HDHD5: variants seen among roughly 807,000 people sequenced by gnomAD.
HDHD5 encodes haloacid dehalogenase like hydrolase domain containing 5, also known as haloacid dehalogenase-like hydrolase domain-containing 5.
In HDHD5, 34 loss-of-function variants were observed where a neutral mutation model predicts 35.5. The observed-to-expected ratio is 0.96, with a 90% CI of 0.73 to 1.28. The LOEUF is 1.28. Ranked by LOEUF, HDHD5 falls within the 50% of genes most tolerant of loss-of-function variation. The pLI, the probability that HDHD5 is intolerant of heterozygous loss-of-function variation, is 0.00. For synonymous variants in HDHD5, 248 were observed against 240.6 expected (o/e 1.03, Z -0.29); for missense variants, 589 against 560.2 (o/e 1.05, Z -0.52).
intron 6 of HDHD5, among the ~76,000 whole-genome samples, chr22:17,140,826 C>G (rs2061591524): frequency 6.6e-6 from 1 of 152,144 alleles, no homozygotes; most frequent in South Asian, 2.1e-4. Context: ...TGTGAAACAT[C>G]CTCTCAATAC....
chr22:17,143,996 G>A (rs1015209615), intron 4 of HDHD5, among the ~76,000 whole-genome samples: 6 of 152,186 alleles, frequency 3.9e-5, no homozygotes, highest in South Asian at 2.1e-4. Context: ...TGAGCCCAGC[G>A]CACAGGGCAC....
intron 1 of HDHD5, chr22:17,158,565 G>A (rs967116435): frequency 1.3e-5 from 2 of 152,244 alleles, no homozygotes; most frequent in African/African-American, 4.8e-5. Context: ...CTTCTCAGAA[G>A]TTGCGGGGAG....
At chr22:17,165,057 C>T in intron 1 of HDHD5, 1 of 660,560 alleles carries the variant, frequency 1.5e-6, no homozygotes, top group Non-Finnish European at 2.8e-6. Context: ...CACATACACA[C>T]TCAGTCTTGC....
At chr22:17,161,080 C>T (rs909923702), upstream of HDHD5, among the ~76,000 whole-genome samples, 1 of 148,986 alleles carries the variant, frequency 6.7e-6, no homozygotes, top group African/African-American at 2.5e-5. Context: ...CATGGCGAAA[C>T]CCGTCTCTAC....
intron 1 of HDHD5, among the ~76,000 whole-genome samples, chr22:17,151,727 T>TAAAAAAAAAAAAAA (rs59104154): frequency 8.8e-6 from 1 of 113,118 alleles, no homozygotes. Flanking sequence ...TAGACTCTAC[T>TAAAAAAAAAAAAAA]AAAAAAAAAA....
chr22:17,141,909 C>G lies in HDHD5; in HGVS notation c.572-676G>C, dbSNP rs562775449. 3 of 152,424 alleles carry G rather than the reference C, an allele frequency of 2.0e-5. 1 individual carries two copies. The highest frequency in any genetic ancestry group is 7.2e-5 in the African/African-American group (3 of 41,562). The allele number at this position is 152,424 out of a possible 1,614,324, so 9.4% of individuals were successfully genotyped here. A position where few individuals can be genotyped will look rare whatever the true frequency, so the allele number is the denominator to read the frequency against. On this transcript the variant is annotated intron_variant, in intron 5 of 7. Transcript: ENST00000336737. ...TGAACTGCACCAGACCAGTGATTCT[C>G]CATGGGGCAGCACCGCCCCTGCTGA...
upstream of HDHD5, among the ~76,000 whole-genome samples, chr22:17,159,996 C>G (rs540998363): frequency 2.0e-5 from 3 of 152,212 alleles, no homozygotes; most frequent in African/African-American, 4.8e-5. Context: ...CGACTCCGTC[C>G]GTGGAGGCCC....
At chr22:17,156,939 G>A (rs778268390) in intron 1 of HDHD5, among the ~76,000 whole-genome samples, 3 of 151,948 alleles carry the variant, frequency 2.0e-5, no homozygotes, top group Middle Eastern at 3.2e-3. Context: ...TTAGCTGGGC[G>A]TGGTGGCAGG....
At chr22:17,156,638 T>C (rs568938480) in intron 1 of HDHD5, among the ~76,000 whole-genome samples, 2 of 152,044 alleles carry the variant, frequency 1.3e-5, no homozygotes, top group South Asian at 2.1e-4. Context: ...TAGCCAGGCG[T>C]GGTGGCAGGC....
In HDHD5 at chr22:17,138,485, G is replaced by C. The variant is rs562366452; in HGVS notation, c.935+65C>G. ...ATTAGATATAGGGAAATGGGGGTGA[G>C]AGTAGAGGAGGAGGGAGAGAAGGGG... is the stretch of plus-strand genomic sequence containing the variant. On this transcript the variant is annotated intron_variant, in intron 7 of 7. Transcript: ENST00000336737. 2,539 of 1,560,050 alleles carry C rather than the reference G, an allele frequency of 1.6e-3. 4 individuals carry two copies. The highest frequency in any genetic ancestry group is 2.0e-3 in the Non-Finnish European group (2,313 of 1,142,150).
At chr22:17,156,408 C>T (rs1228688143) in intron 1 of HDHD5, among the ~76,000 whole-genome samples, 2 of 152,102 alleles carry the variant, frequency 1.3e-5, no homozygotes, top group South Asian at 2.1e-4. Flanking sequence ...GTCAGGAGTT[C>T]GAGACCAGTC....
Position 17,149,458 on chromosome 22 carries a change from C to G in HDHD5, c.330+84G>C, listed in dbSNP as rs1288854029. 1.1e-5 allele frequency: 15 copies of G among 1,353,000 alleles called. No individual in the cohort carries two copies. The Admixed American group carries it at 2.6e-4, about 23-fold the overall frequency. 83.8% of individuals were successfully genotyped at this position (1,353,000 alleles called of 1,614,324 possible). On this transcript the variant is annotated intron_variant, in intron 2 of 7. Transcript: ENST00000336737. ...GACTAGGTGATTCCATATCCCAACC[C>G]AGGGGAAAGGGACTTGGAGCTGGGG... is the stretch of plus-strand genomic sequence containing the variant.
Position 17,145,122 on chromosome 22 carries a change from A to T in HDHD5, c.444-5T>A, listed in dbSNP as rs375737033. On this transcript the variant is annotated splice_polypyrimidine_tract_variant and splice_region_variant and intron_variant, in intron 3 of 7. Transcript: ENST00000336737. ...ACGACATTTCGGAAGCCCAGTCTGG[A>T]GCAAGCTCAGGAAGTAATGCTGGAC... The T allele has an allele frequency of 2.7e-5, 43 of 1,613,906 alleles. No individual in the cohort carries two copies. Among genetic ancestry groups the T allele is most frequent in the Non-Finnish European group, 3.6e-5 (42 of 1,180,002 alleles).
intron 1 of HDHD5, among the ~76,000 whole-genome samples, chr22:17,150,825 T>C (rs2061718028): frequency 6.6e-6 from 1 of 152,120 alleles, no homozygotes; most frequent in Non-Finnish European, 1.5e-5. Context: ...TGCCCTATCA[T>C]TCCATATTAA....
chr22:17,155,788 TTCAG>T (rs1360797363), intron 1 of HDHD5, among the ~76,000 whole-genome samples: 3 of 152,136 alleles, frequency 2.0e-5, no homozygotes, highest in Non-Finnish European at 4.4e-5. Flanking sequence ...ATAACGATGT[TTCAG>T]TCAATGACAC....
Position 17,138,719 on chromosome 22 carries a change from G to A in HDHD5, c.766C>T (p.Leu256=), listed in dbSNP as rs144060727. Residue 256 remains leucine, a synonymous_variant, in exon 7 of 8, where the codon CTG becomes TTG. Transcript: ENST00000336737. The part of the protein sequence containing the change: ...KMPRFGHGTF[L]LCLETIYQKV... The stretch of plus-strand genomic sequence containing the variant: ...TGGTAAATGGTTTCCAGGCACAGCA[G>A]AAAGGTGCCATGTCCAAACCTGCCA... 5 of 1,614,078 alleles carry A rather than the reference G, an allele frequency of 3.1e-6. No individual in the cohort carries two copies. The Admixed American group carries it at 8.3e-5, about 27-fold the overall frequency.
chr22:17,157,976 A>G (rs2061818479), intron 1 of HDHD5, among the ~76,000 whole-genome samples: 1 of 152,306 alleles, frequency 6.6e-6, no homozygotes, highest in South Asian at 2.1e-4. Context: ...AATAACTGTG[A>G]AGTACTTAGA....
At chr22:17,152,904 C>G (rs369214153) in intron 1 of HDHD5, among the ~76,000 whole-genome samples, 1 of 151,982 alleles carries the variant, frequency 6.6e-6, no homozygotes, top group Non-Finnish European at 1.5e-5. Context: ...ATGAGCCCTC[C>G]AAGCTTGGAC....
chr22:17,143,267 C>G, intron 4 of HDHD5, 136 bp from the exon 5 acceptor site: 1 of 855,182 alleles, frequency 1.2e-6, no homozygotes, highest in South Asian at 2.0e-5. Context: ...AAGCCCAAGC[C>G]AAGGGAAAGC....
Sources: allele counts gnomAD v4.1 joint callset (sites outside exome capture counted in the v4.1 genomes callset), GRCh38; gene constraint gnomAD v4.1.1; transcripts MANE v1.5; gene names NCBI Gene and HGNC (gene_info 2026-07-23, HGNC 2026-07-21).